NUP93: variants seen among roughly 807,000 people sequenced by gnomAD.
NUP93 encodes the protein nucleoporin 93, also known as nuclear pore complex protein Nup93.
Under a neutral mutation model 107.8 loss-of-function variants are expected in NUP93, and 55 were observed. The observed-to-expected ratio is 0.51, with a 90% CI of 0.41 to 0.64. The LOEUF (loss-of-function observed/expected upper bound fraction) is 0.64. Among genes scored for constraint, NUP93 ranks in the 30% least tolerant of loss-of-function variants. The pLI, the probability that NUP93 is intolerant of heterozygous loss-of-function variation, is 0.00. For missense variants in NUP93, 937 were observed against 1,044.7 expected (o/e 0.90, Z 1.42); for synonymous variants, 390 against 397.5 (o/e 0.98, Z 0.22).
chr16:56,831,706 G>T, intron 10 of NUP93, 136 bp from the exon 11 acceptor site: 2 of 803,932 alleles, frequency 2.5e-6, no homozygotes, highest in South Asian at 3.6e-5. Flanking sequence ...AGGGGATGGG[G>T]CAGAGACAGT....
intron 3 of NUP93, among the ~76,000 whole-genome samples, chr16:56,762,201 T>C (rs1962139723): frequency 6.6e-6 from 1 of 152,180 alleles, no homozygotes; most frequent in Non-Finnish European, 1.5e-5. Flanking sequence ...ATATTGCACA[T>C]CTTTACTGTG....
intron 5 of NUP93, among the ~76,000 whole-genome samples, chr16:56,808,675 TAAAATACATATATTTATAAATATATA>T (rs1239491042): frequency 3.5e-4 from 47 of 132,962 alleles, no homozygotes; most frequent in South Asian, 6.6e-4. Flanking sequence ...TATAAATATA[TAAAATACATATATTTATAAATATATA>T]AAAATACATA....
chr16:56,807,296 A>G (rs1963164116), intron 5 of NUP93, among the ~76,000 whole-genome samples: 1 of 152,080 alleles, frequency 6.6e-6, no homozygotes, highest in Non-Finnish European at 1.5e-5. Flanking sequence ...ATATTTACCC[A>G]TTGCCATCTC....
intron 1 of NUP93, among the ~76,000 whole-genome samples, chr16:56,737,090 A>G (rs1459443793): frequency 6.6e-6 from 1 of 152,212 alleles, no homozygotes; most frequent in Non-Finnish European, 1.5e-5. Context: ...TTGAAATATA[A>G]AGCATTTCTG....
At chr16:56,836,401 T>C (rs1192000276) in intron 16 of NUP93, among the ~76,000 whole-genome samples, 200 bp from the exon 17 acceptor site, 1 of 152,192 alleles carries the variant, frequency 6.6e-6, no homozygotes, top group Non-Finnish European at 1.5e-5. Context: ...ATGTGTAGTT[T>C]CCTTGGTCTC....
At chr16:56,773,317 A>G (rs1000016571) in intron 3 of NUP93, among the ~76,000 whole-genome samples, 1 of 152,198 alleles carries the variant, frequency 6.6e-6, no homozygotes, top group African/African-American at 2.4e-5. Context: ...TTTGTTAACT[A>G]TTCATTCTAC....
rs757973283 is a variant in NUP93 at position 56,833,270 on chromosome 16, C to A, written c.1401C>A (p.Phe467Leu). Residue 467 changes from phenylalanine (F) to leucine (L), a missense_variant, in exon 13 of 22, where the codon TTC becomes TTA. Physicochemically the swap from Phe to Leu is conservative, Grantham distance 22. Coordinates refer to ENST00000308159, the MANE Select transcript of NUP93 (RefSeq NM_014669.5). ...CCTTCCTCTACTTCCAAGTCCTGTTCCTGACAGCGCAGTTTGAAGCAGCAG... is the reference window on the plus strand; with the variant it reads ...CCTTCCTCTACTTCCAAGTCCTGTTACTGACAGCGCAGTTTGAAGCAGCAG... Reference protein sequence around the residue: ...QQPFLYFQVLFLTAQFEAAVA... With the variant: ...QQPFLYFQVLLLTAQFEAAVA... 4 of 1,606,762 alleles carry A rather than the reference C, an allele frequency of 2.5e-6. No homozygotes were observed. Among genetic ancestry groups the A allele is most frequent in the East Asian group, 2.3e-5 (1 of 44,444 alleles).
intron 4 of NUP93, among the ~76,000 whole-genome samples, chr16:56,803,384 G>A (rs531337075): frequency 6.6e-6 from 1 of 152,230 alleles, no homozygotes; most frequent in South Asian, 2.1e-4. Context: ...AAGGTGGCAT[G>A]AACTCAGGAG....
At chr16:56,834,513 G>T in intron 15 of NUP93, 71 bp downstream of exon 15, 4 of 1,491,040 alleles carry the variant, frequency 2.7e-6, no homozygotes, top group Non-Finnish European at 2.8e-6. Flanking sequence ...TCCGTATTGC[G>T]TGTTTACTTC....
intron 1 of NUP93, among the ~76,000 whole-genome samples, chr16:56,740,158 T>G (rs1961698804): frequency 7.1e-6 from 1 of 140,900 alleles, no homozygotes; most frequent in Non-Finnish European, 1.5e-5. Flanking sequence ...ACGGGGTGGC[T>G]GCCGGGCGGA....
rs1241737804 is a variant in NUP93, at chr16:56,828,958, TCC to T, written c.795-18_795-17del. ...AATGTTTTCAGTCTTCCCTGTTTTT[TCC>T]TTTAAAATTTTTCCAGTTATAAGAA... On this transcript the variant is annotated splice_polypyrimidine_tract_variant and intron_variant, in intron 8 of 21. Transcript: ENST00000308159. The T allele has an allele frequency of 1.2e-6, 2 of 1,612,238 alleles. No homozygotes were observed. Among genetic ancestry groups the T allele is most frequent in the Admixed American group, 1.7e-5 (1 of 59,698 alleles).
intron 3 of NUP93, among the ~76,000 whole-genome samples, chr16:56,769,543 T>G (rs1962282249): frequency 6.6e-6 from 1 of 152,160 alleles, no homozygotes; most frequent in Non-Finnish European, 1.5e-5. Flanking sequence ...TCAGTTTAAT[T>G]TACTGTCTAA....
chr16:56,780,076 T>C (rs1962486127), intron 3 of NUP93, among the ~76,000 whole-genome samples: 1 of 152,200 alleles, frequency 6.6e-6, no homozygotes. Context: ...TGTTCAGTAA[T>C]TGGAGCATAA....
At chr16:56,773,662 A>G (rs1306481273) in intron 3 of NUP93, among the ~76,000 whole-genome samples, 1 of 152,210 alleles carries the variant, frequency 6.6e-6, no homozygotes, top group African/African-American at 2.4e-5. Flanking sequence ...ATTGAATCCA[A>G]ATCTGTGAGG....
At chr16:56,789,980 C>G (rs1180827597) in intron 3 of NUP93, among the ~76,000 whole-genome samples, 1 of 152,090 alleles carries the variant, frequency 6.6e-6, no homozygotes, top group East Asian at 1.9e-4. Context: ...GCCTGTAATC[C>G]CAGCTACTCA....
intron 1 of NUP93, among the ~76,000 whole-genome samples, chr16:56,731,606 C>T (rs1420031828): frequency 2.0e-5 from 3 of 152,108 alleles, no homozygotes; most frequent in Admixed American, 2.0e-4. Context: ...CGGGATTTCA[C>T]CATGTTGGCC....
At chr16:56,840,267 G>A (rs1963997178) in intron 20 of NUP93, among the ~76,000 whole-genome samples, 1 of 152,142 alleles carries the variant, frequency 6.6e-6, no homozygotes. Flanking sequence ...TGATCTGCCC[G>A]CCTCGGCCTC....
intron 3 of NUP93, among the ~76,000 whole-genome samples, chr16:56,769,767 C>A (rs1410764602): frequency 6.6e-6 from 1 of 152,184 alleles, no homozygotes; most frequent in Non-Finnish European, 1.5e-5. Context: ...ATTTAAAGGG[C>A]ACATCAAATT....
At chr16:56,757,316 C>T (rs573844012) in intron 2 of NUP93, among the ~76,000 whole-genome samples, 38 of 152,280 alleles carry the variant, frequency 2.5e-4, no homozygotes, top group African/African-American at 8.9e-4. Flanking sequence ...AATCCAAGAA[C>T]AGTCTACAAA....
Sources: gnomAD v4.1 joint callset for allele counts (sites outside exome capture counted in the v4.1 genomes callset) on GRCh38, gnomAD v4.1.1 for gene constraint, MANE v1.5 for transcripts, NCBI Gene and HGNC (gene_info 2026-07-23, HGNC 2026-07-21) for gene names.